The following GSK3B variants were observed in gnomAD, a reference collection of about 807,000 sequenced individuals.
GSK3B encodes glycogen synthase kinase 3 beta, also known as glycogen synthase kinase-3 beta.
A neutral mutation model predicts 56.4 loss-of-function variants in GSK3B; 15 were observed. The ratio of observed to expected loss-of-function variants is 0.27; its 90% CI spans 0.18 to 0.41. GSK3B has a LOEUF of 0.41. GSK3B is among the 10% of genes least tolerant of loss of function. The probability of loss-of-function intolerance (pLI) is 1.00; values close to 1 mark genes in which losing one functional copy is unlikely to be tolerated. For missense variants in GSK3B, 300 were observed against 513.4 expected (o/e 0.58, Z 4.02); for synonymous variants, 181 against 188.9 (o/e 0.96, Z 0.34).
intron 1 of GSK3B, among the ~76,000 whole-genome samples, chr3:120,072,431 A>G (rs1160051575): frequency 6.6e-6 from 1 of 151,886 alleles, no homozygotes; most frequent in Non-Finnish European, 1.5e-5. Flanking sequence ...TACCAAAAAC[A>G]CAAAAATTGG....
At chr3:120,065,567 T>G (rs1263297307) in intron 1 of GSK3B, among the ~76,000 whole-genome samples, 1 of 152,038 alleles carries the variant, frequency 6.6e-6, no homozygotes, top group Non-Finnish European at 1.5e-5. Flanking sequence ...GTCCAGTAAA[T>G]TAAACATAGA....
intron 2 of GSK3B, among the ~76,000 whole-genome samples, chr3:119,969,103 C>T (rs184249789): frequency 2.0e-4 from 30 of 151,928 alleles, no homozygotes; most frequent in Admixed American, 1.7e-3. Context: ...ACAAACCTGG[C>T]CAACACCGTG....
intron 3 of GSK3B, among the ~76,000 whole-genome samples, chr3:119,944,041 A>C (rs2057075500): frequency 6.6e-6 from 1 of 152,232 alleles, no homozygotes; most frequent in Non-Finnish European, 1.5e-5. Context: ...CAGAGATGTT[A>C]TAGAGAATGA....
intron 1 of GSK3B, among the ~76,000 whole-genome samples, chr3:120,007,105 C>T (rs1348361780): frequency 1.3e-5 from 2 of 152,246 alleles, no homozygotes; most frequent in South Asian, 2.1e-4. Context: ...CACAGAAATA[C>T]AAACTACTAT....
At chr3:119,932,551 T>C (rs966931172) in intron 3 of GSK3B, among the ~76,000 whole-genome samples, 3 of 149,390 alleles carry the variant, frequency 2.0e-5, no homozygotes, top group African/African-American at 7.4e-5. Flanking sequence ...GAAGAAAACA[T>C]GGGTATTTCT....
chr3:120,011,341 A>C (rs941456536), intron 1 of GSK3B, among the ~76,000 whole-genome samples: 1 of 152,176 alleles, frequency 6.6e-6, no homozygotes, highest in Non-Finnish European at 1.5e-5. Flanking sequence ...AAAACTAGCT[A>C]TGATAGATAT....
chr3:120,007,614 T>C lies in GSK3B; in HGVS notation c.89-5375A>G, dbSNP rs895823602. 3.3e-5 allele frequency among the ~76,000 whole-genome samples: 5 copies of C among 152,274 alleles called. No individual in the cohort carries two copies. The South Asian group carries it at 1.0e-3, about 32-fold the overall frequency. On this transcript the variant is annotated intron_variant, in intron 1 of 10. Coordinates refer to ENST00000264235, the MANE Select transcript of GSK3B (RefSeq NM_001146156.2). Reference sequence around the variant, plus strand: ...CCTGGGATGACAGGCTGGTTCAACATATGCAAATCAATAAATGTAATCCAT... The same window carrying C: ...CCTGGGATGACAGGCTGGTTCAACACATGCAAATCAATAAATGTAATCCAT...
chr3:119,842,448 A>T (rs1168331078), intron 10 of GSK3B, among the ~76,000 whole-genome samples: 1 of 152,166 alleles, frequency 6.6e-6, no homozygotes, highest in Non-Finnish European at 1.5e-5. Flanking sequence ...TATAATTTAT[A>T]CTTCTTGAAA....
At chr3:119,898,029 G>A (rs981669335) in intron 7 of GSK3B, among the ~76,000 whole-genome samples, 1 of 152,068 alleles carries the variant, frequency 6.6e-6, no homozygotes, top group Admixed American at 6.6e-5. Context: ...ATAGTAAGCT[G>A]AAAATATCCT....
intron 6 of GSK3B, 99 bp from the exon 7 acceptor site, chr3:119,905,951 T>A: frequency 1.4e-6 from 1 of 739,994 alleles, no homozygotes; most frequent in South Asian, 1.6e-5. Flanking sequence ...ACAGAGTAAA[T>A]ATCACAGGAA....
At chr3:119,905,555 T>C (rs2056674439) in intron 7 of GSK3B, among the ~76,000 whole-genome samples, 200 bp downstream of exon 7, 1 of 152,106 alleles carries the variant, frequency 6.6e-6, no homozygotes, top group African/African-American at 2.4e-5. Context: ...TCTAGGATCA[T>C]ACAAGAGAAG....
At chr3:119,989,950 C>T (rs1044754722) in intron 2 of GSK3B, among the ~76,000 whole-genome samples, 5 of 152,064 alleles carry the variant, frequency 3.3e-5, no homozygotes, top group African/African-American at 1.2e-4. Context: ...AAGAACACGC[C>T]GTCCCTCCTC....
Position 119,825,242 on chromosome 3 carries a change from G to T in GSK3B, c.*1546C>A, listed in dbSNP as rs1215280367. ...TTTTAGAGTATATAAGGCCCACATAGATGCCAACCTTAAAAGTATAAAACA... is the reference window on the plus strand; with the variant it reads ...TTTTAGAGTATATAAGGCCCACATATATGCCAACCTTAAAAGTATAAAACA... On this transcript the variant is annotated 3_prime_UTR_variant, in exon 11 of 11. Coordinates refer to ENST00000264235, the MANE Select transcript of GSK3B (RefSeq NM_001146156.2). 4.4e-6 allele frequency: 1 copy of T among 228,410 alleles called. No individual in the cohort carries two copies. The highest frequency in any genetic ancestry group is 8.7e-6 in the Non-Finnish European group (1 of 115,194). The allele number at this position is 228,410 out of a possible 1,614,324, so 14.1% of individuals were successfully genotyped here. A position where few individuals can be genotyped will look rare whatever the true frequency, so the allele number is the denominator to read the frequency against.
intron 7 of GSK3B, among the ~76,000 whole-genome samples, chr3:119,888,584 T>G (rs571791788): frequency 6.6e-6 from 1 of 152,228 alleles, no homozygotes; most frequent in East Asian, 1.9e-4. Context: ...AAAGCACGTG[T>G]GTTTGAACAA....
intron 9 of GSK3B, among the ~76,000 whole-genome samples, chr3:119,849,290 G>A (rs544114250): frequency 1.3e-5 from 2 of 152,280 alleles, no homozygotes; most frequent in East Asian, 3.9e-4. Context: ...GAGATAAAAA[G>A]ACAACTGTCC....
At chr3:119,985,227 A>T (rs2057504284) in intron 2 of GSK3B, among the ~76,000 whole-genome samples, 1 of 152,210 alleles carries the variant, frequency 6.6e-6, no homozygotes, top group Non-Finnish European at 1.5e-5. Context: ...CACAATCAAT[A>T]TCATACTGAA....
chr3:119,983,007 T>C (rs2107454575), intron 2 of GSK3B, among the ~76,000 whole-genome samples: 1 of 152,284 alleles, frequency 6.6e-6, no homozygotes, highest in East Asian at 1.9e-4. Flanking sequence ...ACAGTGGATC[T>C]CTCGGCAGAA....
chr3:119,823,428 G>GT lies in GSK3B; in HGVS notation c.*3359dup, dbSNP rs1325250601. 5.1e-6 allele frequency: 1 copy of GT among 197,474 alleles called. No homozygotes were observed. Among genetic ancestry groups the GT allele is most frequent in the Non-Finnish European group, 1.0e-5 (1 of 95,386 alleles). The allele number at this position is 197,474 out of a possible 1,614,324, so 12.2% of individuals were successfully genotyped here. ...CACTATAGCATTTTAGACCACTGAC[G>GT]TATCAAAACCTGATACTATTAAGAA... is the stretch of plus-strand genomic sequence containing the variant. On this transcript the variant is annotated 3_prime_UTR_variant, in exon 11 of 11. Transcript: ENST00000264235.
intron 9 of GSK3B, among the ~76,000 whole-genome samples, 162 bp downstream of exon 9, chr3:119,863,257 G>C (rs1311021986): frequency 1.3e-5 from 2 of 152,306 alleles, no homozygotes; most frequent in South Asian, 2.1e-4. Context: ...TCAAAACCAT[G>C]TAAGTAGTGG....
Sources: allele counts gnomAD v4.1 joint callset (sites outside exome capture counted in the v4.1 genomes callset), GRCh38; gene constraint gnomAD v4.1.1; transcripts MANE v1.5; gene names NCBI Gene and HGNC (gene_info 2026-07-23, HGNC 2026-07-21).